The following GSKIP variants were observed in gnomAD, a reference collection of about 807,000 sequenced individuals.
GSKIP encodes GSK3B interacting protein, also known as GSK3B-interacting protein.
GSKIP carries 5 observed loss-of-function variants against 11.9 expected under a neutral mutation model. That is an observed-to-expected ratio of 0.42 (90% CI 0.22 to 0.89). The LOEUF (loss-of-function observed/expected upper bound fraction) is 0.89. GSKIP is among the 40% of genes least tolerant of loss of function. The pLI, the probability that GSKIP is intolerant of heterozygous loss-of-function variation, is 0.29. For missense variants in GSKIP, 150 were observed against 166.6 expected (o/e 0.90, Z 0.55); for synonymous variants, 70 against 62.9 (o/e 1.11, Z -0.54).
Position 96,386,404 on chromosome 14 carries a change from C to T in GSKIP, c.*720C>T, listed in dbSNP as rs1595354456. ...CTAAGCACATAAGCAAATACAGGAA[C>T]AGACTTCATTCTTTTTCTTAACAAA... On this transcript the variant is annotated 3_prime_UTR_variant, in exon 4 of 4. Coordinates refer to ENST00000555181, the MANE Select transcript of GSKIP (RefSeq NM_016472.5). 6.6e-6 allele frequency: 1 copy of T among 152,562 alleles called. No homozygotes were observed. Among genetic ancestry groups the T allele is most frequent in the African/African-American group, 2.4e-5 (1 of 41,448 alleles). 9.5% of individuals were successfully genotyped at this position (152,562 alleles called of 1,614,324 possible). A position where few individuals can be genotyped will look rare whatever the true frequency, so the allele number is the denominator to read the frequency against.
intron 1 of GSKIP, among the ~76,000 whole-genome samples, chr14:96,379,298 T>C (rs914141503): frequency 2.0e-5 from 3 of 152,188 alleles, no homozygotes; most frequent in Admixed American, 2.0e-4. Context: ...AGCGAGACTC[T>C]GTCTCAAAAA....
intron 3 of GSKIP, among the ~76,000 whole-genome samples, chr14:96,385,308 A>G (rs1331874832): frequency 3.3e-5 from 5 of 152,244 alleles, no homozygotes; most frequent in African/African-American, 1.2e-4. Flanking sequence ...GTTATACATT[A>G]TAAGTTGCTG....
intron 2 of GSKIP, 78 bp from the exon 3 acceptor site, chr14:96,382,169 G>C: frequency 1.0e-6 from 1 of 986,006 alleles, no homozygotes; most frequent in Non-Finnish European, 1.5e-6. Context: ...GTAAGGCATA[G>C]CTAATTTTAA....
chr14:96,380,974 G>A (rs967951512), intron 2 of GSKIP, among the ~76,000 whole-genome samples: 1 of 152,234 alleles, frequency 6.6e-6, no homozygotes, highest in Non-Finnish European at 1.5e-5. Context: ...GGAAATGAAT[G>A]TTGATTGAAT....
rs1440069871 is a variant in GSKIP, at chr14:96,386,945, T to C, written c.*1261T>C. 3 of 152,426 alleles carry C rather than the reference T, an allele frequency of 2.0e-5. No homozygotes were observed. The highest frequency in any genetic ancestry group is 2.9e-5 in the Non-Finnish European group (2 of 68,032). 9.4% of individuals were successfully genotyped at this position (152,426 alleles called of 1,614,324 possible). On this transcript the variant is annotated 3_prime_UTR_variant, in exon 4 of 4. Coordinates refer to ENST00000555181, the MANE Select transcript of GSKIP (RefSeq NM_016472.5). ...CCTTCATGCATTTATCATTTGCAGA[T>C]ATTTTTCCATCATTATTAAAAAACA... is the stretch of plus-strand genomic sequence containing the variant.
intron 1 of GSKIP, among the ~76,000 whole-genome samples, chr14:96,366,411 C>A (rs1888885529): frequency 6.6e-6 from 1 of 152,128 alleles, no homozygotes; most frequent in African/African-American, 2.4e-5. Flanking sequence ...TGTGTGTTGC[C>A]TTGTAAACTT....
At chr14:96,372,448 T>TA (rs1889073053) in intron 1 of GSKIP, among the ~76,000 whole-genome samples, 1 of 152,242 alleles carries the variant, frequency 6.6e-6, no homozygotes, top group Admixed American at 6.5e-5. Context: ...TGAGAGCAGA[T>TA]ACACAATCCT....
intron 1 of GSKIP, among the ~76,000 whole-genome samples, chr14:96,368,553 A>G (rs1190502853): frequency 6.6e-6 from 1 of 152,138 alleles, no homozygotes; most frequent in African/African-American, 2.4e-5. Flanking sequence ...TTAATCAACA[A>G]AAGCACTGCT....
chr14:96,376,546 A>G (rs1000647410), intron 1 of GSKIP, among the ~76,000 whole-genome samples: 1 of 152,220 alleles, frequency 6.6e-6, no homozygotes, highest in Non-Finnish European at 1.5e-5. Context: ...TATTTTGTAG[A>G]TGAGACCTCC....
At chr14:96,372,878 T>C (rs1889089295) in intron 1 of GSKIP, among the ~76,000 whole-genome samples, 3 of 152,186 alleles carry the variant, frequency 2.0e-5, no homozygotes. Context: ...CTCCAGCCTG[T>C]AGCTGAATAC....
intron 1 of GSKIP, chr14:96,365,260 T>G (rs1196860528): frequency 6.6e-6 from 1 of 151,774 alleles, no homozygotes; most frequent in Non-Finnish European, 1.5e-5. Context: ...CATTTTTATA[T>G]GAGATGGTAA....
chr14:96,368,184 CTTTTTTTT>C (rs398057422), intron 1 of GSKIP, among the ~76,000 whole-genome samples: 1 of 133,456 alleles, frequency 7.5e-6, no homozygotes, highest in Admixed American at 7.5e-5. Context: ...TATTGCTACT[CTTTTTTTT>C]TTTTTTTTGA....
chr14:96,363,874 G>C (rs1233513028), intron 1 of GSKIP: 1 of 152,356 alleles, frequency 6.6e-6, no homozygotes, highest in African/African-American at 2.4e-5. Flanking sequence ...CCGCACCCGA[G>C]CATTGACCGG....
chr14:96,375,226 C>A (rs995100678), intron 1 of GSKIP, among the ~76,000 whole-genome samples: 1 of 151,506 alleles, frequency 6.6e-6, no homozygotes, highest in African/African-American at 2.4e-5. Context: ...AATTCAAAAG[C>A]AAGGAGGAAA....
intron 1 of GSKIP, among the ~76,000 whole-genome samples, chr14:96,378,586 AATTTATT>A (rs1889263992): frequency 6.6e-6 from 1 of 152,182 alleles, no homozygotes; most frequent in African/African-American, 2.4e-5. Flanking sequence ...CTAATTTGGT[AATTTATT>A]ATAGTAGCAA....
At chr14:96,369,069 T>C (rs995899701) in intron 1 of GSKIP, among the ~76,000 whole-genome samples, 6 of 152,190 alleles carry the variant, frequency 3.9e-5, no homozygotes, top group African/African-American at 1.4e-4. Flanking sequence ...GAGGATCTTA[T>C]TGGGAATTGG....
intron 1 of GSKIP, among the ~76,000 whole-genome samples, chr14:96,370,587 C>G (rs11627143): frequency 0.33 from 50,262 of 151,908 alleles, 9,524 homozygotes; most frequent in Non-Finnish European, 0.43. Context: ...AGTTTTCACT[C>G]TCAGTTTCTG....
intron 3 of GSKIP, chr14:96,384,897 AG>A (rs2139946305): frequency 6.6e-6 from 1 of 152,266 alleles, no homozygotes; most frequent in African/African-American, 2.4e-5. Context: ...GAAATATATT[AG>A]GTGAAAGTGG....
rs1280607707 is a variant in GSKIP at position 96,387,271 on chromosome 14, A to G, written c.*1587A>G. 1 of 152,248 alleles carries G rather than the reference A, an allele frequency of 6.6e-6. No individual in the cohort carries two copies. Among genetic ancestry groups the G allele is most frequent in the East Asian group, 1.9e-4 (1 of 5,202 alleles). The allele number at this position is 152,248 out of a possible 1,614,324, so 9.4% of individuals were successfully genotyped here. A position where few individuals can be genotyped will look rare whatever the true frequency, so the allele number is the denominator to read the frequency against. On this transcript the variant is annotated 3_prime_UTR_variant, in exon 4 of 4. Coordinates refer to ENST00000555181, the MANE Select transcript of GSKIP (RefSeq NM_016472.5). The stretch of plus-strand genomic sequence containing the variant: ...AAGAATTGAAATTGTTCATTTTGTG[A>G]TAAATGATTAATTCCAAGAGCTTGT...
Sources: allele counts gnomAD v4.1 joint callset (sites outside exome capture counted in the v4.1 genomes callset), GRCh38; gene constraint gnomAD v4.1.1; transcripts MANE v1.5; gene names NCBI Gene and HGNC (gene_info 2026-07-23, HGNC 2026-07-21).